TRIQK: variants seen among roughly 807,000 people sequenced by gnomAD.
The protein encoded by TRIQK is triple QxxK/R motif-containing protein.
A neutral mutation model predicts 10.8 loss-of-function variants in TRIQK; 10 were observed. That is an observed-to-expected ratio of 0.92 (90% CI 0.57 to 1.57). The LOEUF (loss-of-function observed/expected upper bound fraction) is 1.57. TRIQK is among the 40% of genes most tolerant of loss of function. TRIQK has a pLI of 0.00. For missense variants in TRIQK, 107 were observed against 97.7 expected, an observed-to-expected ratio of 1.09 and a Z score of -0.40; for synonymous variants, 33 against 33.7, an observed-to-expected ratio of 0.98 and a Z score of 0.07.
chr8:92,920,544 AAGAG>A (rs1456836579), intron 2 of TRIQK, among the ~76,000 whole-genome samples: 3 of 151,578 alleles, frequency 2.0e-5, no homozygotes, highest in Non-Finnish European at 4.4e-5. Context: ...AGAAAAAAAA[AAGAG>A]AGAGAGAGAC....
At chr8:93,004,863 C>T (rs1813252118) in intron 1 of TRIQK, among the ~76,000 whole-genome samples, 1 of 152,232 alleles carries the variant, frequency 6.6e-6, no homozygotes, top group Admixed American at 6.5e-5. Context: ...AGTTCCTCAT[C>T]TCCATCTGAG....
chr8:93,010,425 T>C (rs1270607244), intron 1 of TRIQK, among the ~76,000 whole-genome samples: 1 of 151,970 alleles, frequency 6.6e-6, no homozygotes, highest in East Asian at 1.9e-4. Flanking sequence ...ATACTTAAGG[T>C]AGTCAAAGCA....
intron 2 of TRIQK, among the ~76,000 whole-genome samples, chr8:92,938,819 A>G (rs1014548013): frequency 4.6e-5 from 7 of 152,194 alleles, no homozygotes; most frequent in Non-Finnish European, 8.8e-5. Flanking sequence ...TGACTCAAAA[A>G]TTATACTTTT....
chr8:92,992,381 C>G (rs1813104621), intron 1 of TRIQK, among the ~76,000 whole-genome samples: 2 of 152,150 alleles, frequency 1.3e-5, no homozygotes, highest in African/African-American at 4.8e-5. Context: ...GAGCCTTGTA[C>G]TAGTAACAAA....
chr8:92,922,327 T>G (rs961209616), intron 2 of TRIQK: 1 of 151,872 alleles, frequency 6.6e-6, no homozygotes, highest in African/African-American at 2.4e-5. Context: ...AATCAAGTTA[T>G]TTTAATCTTA....
At chr8:93,010,427 G>T (rs1054284746) in intron 1 of TRIQK, among the ~76,000 whole-genome samples, 1 of 151,610 alleles carries the variant, frequency 6.6e-6, no homozygotes, top group Non-Finnish European at 1.5e-5. Context: ...ACTTAAGGTA[G>T]TCAAAGCATA....
At chr8:92,887,821 G>C (rs1429343156) in intron 4 of TRIQK, among the ~76,000 whole-genome samples, 2 of 151,662 alleles carry the variant, frequency 1.3e-5, no homozygotes, top group East Asian at 3.9e-4. Context: ...TTTATAAATA[G>C]ATCTTTTATA....
chr8:92,937,253 GA>G (rs35387470), intron 2 of TRIQK, among the ~76,000 whole-genome samples: 35,223 of 151,494 alleles, frequency 0.23, 4,970 homozygotes, highest in African/African-American at 0.4. Context: ...CTTAAAACAT[GA>G]AAAATCAATA....
At chr8:92,918,253 T>A (rs893462110) in intron 2 of TRIQK, among the ~76,000 whole-genome samples, 4 of 152,090 alleles carry the variant, frequency 2.6e-5, no homozygotes, top group African/African-American at 9.7e-5. Context: ...GTAGGATATC[T>A]GGATCATATG....
intron 1 of TRIQK, among the ~76,000 whole-genome samples, chr8:92,982,239 T>G (rs1171122343): frequency 6.6e-6 from 1 of 151,916 alleles, no homozygotes; most frequent in Non-Finnish European, 1.5e-5. Flanking sequence ...CAGTACTACA[T>G]CACCTGGATA....
chr8:92,926,929 T>C (rs1182233425), intron 2 of TRIQK, among the ~76,000 whole-genome samples: 1 of 152,142 alleles, frequency 6.6e-6, no homozygotes, highest in Non-Finnish European at 1.5e-5. Context: ...CTTGTGCCTG[T>C]AATACCAGCT....
chr8:92,917,136 A>G (rs900615292), intron 2 of TRIQK, 126 bp from the exon 3 acceptor site: 13 of 426,844 alleles, frequency 3.0e-5, no homozygotes, highest in Admixed American at 2.7e-4. Context: ...TATTTCCATT[A>G]AATATTCATA....
chr8:93,002,764 A>T lies in TRIQK; in HGVS notation c.-181+14845T>A, dbSNP rs556624038. On this transcript the variant is annotated intron_variant, in intron 1 of 4. Transcript: ENST00000520686. ...GCGAAACCCCATCTCTACTAAAAATAAAAAAATTAGCCGGGTGTGGTAGGG... is the reference window on the plus strand; with the variant it reads ...GCGAAACCCCATCTCTACTAAAAATTAAAAAATTAGCCGGGTGTGGTAGGG... Among the ~76,000 whole-genome samples the T allele has an allele frequency of 1.2e-4, 18 of 152,078 alleles. 1 individual carries two copies. The East Asian group carries it at 3.5e-3, about 30-fold the overall frequency.
In TRIQK at chr8:92,886,469, G is replaced by A. The variant is rs908757832; in HGVS notation, c.*153C>T. 2 of 539,140 alleles carry A rather than the reference G, an allele frequency of 3.7e-6. No homozygotes were observed. The highest frequency in any genetic ancestry group is 4.9e-5 in the South Asian group (2 of 40,486). The allele number at this position is 539,140 out of a possible 1,614,324, so 33.4% of individuals were successfully genotyped here. Reference sequence around the variant, plus strand: ...CATTGCTAGGTAAGGTTCTTTTCCTGACATCCTATGCAACTATCAAAAATC... The same window carrying A: ...CATTGCTAGGTAAGGTTCTTTTCCTAACATCCTATGCAACTATCAAAAATC... On this transcript the variant is annotated 3_prime_UTR_variant, in exon 5 of 5. Coordinates refer to ENST00000521988, the MANE Select transcript of TRIQK (RefSeq NM_001171797.2).
At chr8:92,971,397 C>T (rs1812876403) in intron 1 of TRIQK, among the ~76,000 whole-genome samples, 1 of 152,110 alleles carries the variant, frequency 6.6e-6, no homozygotes. Context: ...TAGAAAACCC[C>T]ATTGTCTCAG....
intron 3 of TRIQK, among the ~76,000 whole-genome samples, chr8:92,914,808 G>A (rs1251540579): frequency 6.6e-6 from 1 of 152,026 alleles, no homozygotes; most frequent in African/African-American, 2.4e-5. Context: ...AAAATAGTAT[G>A]GAGATTCCTC....
At chr8:92,957,643 C>G (rs1425959649) in intron 1 of TRIQK, among the ~76,000 whole-genome samples, 1 of 151,824 alleles carries the variant, frequency 6.6e-6, no homozygotes, top group African/African-American at 2.4e-5. Context: ...TATAACTAAA[C>G]TTCTATCATC....
At chr8:92,992,799 C>T (rs1250460648) in intron 1 of TRIQK, among the ~76,000 whole-genome samples, 1 of 152,142 alleles carries the variant, frequency 6.6e-6, no homozygotes, top group Non-Finnish European at 1.5e-5. Context: ...ACCTCCGGCA[C>T]CCCAGAACCC....
rs570060524 is a variant in TRIQK at position 92,892,257 on chromosome 8, T to A, written c.62-183A>T. Among the ~76,000 whole-genome samples, 10 of 152,042 alleles carry A rather than the reference T, an allele frequency of 6.6e-5. No homozygotes were observed. In the South Asian group the frequency reaches 1.4e-3, roughly 22 times the overall value. ...TCAACTTTTCCTTCTCTCTTACTTT[T>A]TCAGGAAGAGGATACTGACGGACAT... On this transcript the variant is annotated intron_variant, in intron 3 of 4. Coordinates refer to ENST00000521988, the MANE Select transcript of TRIQK (RefSeq NM_001171797.2).
Sources: allele counts gnomAD v4.1 joint callset (sites outside exome capture counted in the v4.1 genomes callset), GRCh38; gene constraint gnomAD v4.1.1; transcripts MANE v1.5; gene names NCBI Gene and HGNC (gene_info 2026-07-23, HGNC 2026-07-21).